Variants in VPS54 observed in about 807,000 individuals in gnomAD.
VPS54 encodes the protein VPS54 subunit of GARP complex, also known as vacuolar protein sorting-associated protein 54.
VPS54 carries 45 observed loss-of-function variants against 121.5 expected under a neutral mutation model. The observed-to-expected ratio is 0.37, with a 90% CI of 0.29 to 0.47. The LOEUF (loss-of-function observed/expected upper bound fraction) is 0.47, where lower values mean the gene tolerates loss of function less well. VPS54 is among the 20% of genes least tolerant of loss of function. The pLI is 0.99. For synonymous variants in VPS54, 371 were observed against 385.8 expected (o/e 0.96, Z 0.45); for missense variants, 1,090 against 1,131.4 (o/e 0.96, Z 0.52).
rs1258503926 is a variant in VPS54 at position 63,893,324 on chromosome 2, T to C, written c.*106A>G. The C allele has an allele frequency of 1.0e-6, 1 of 976,944 alleles. No homozygotes were observed. Among genetic ancestry groups the C allele is most frequent in the African/African-American group, 1.6e-5 (1 of 62,868 alleles). 60.5% of individuals were successfully genotyped at this position (976,944 alleles called of 1,614,324 possible). A position where few individuals can be genotyped will look rare whatever the true frequency, so the allele number is the denominator to read the frequency against. On this transcript the variant is annotated 3_prime_UTR_variant, in exon 23 of 23. Transcript: ENST00000272322. ...TCCTTTTTCCCTTCCCCCACCCCAG[T>C]TCACTTTGGGTTTCAGGTTCAATTC... is the stretch of plus-strand genomic sequence containing the variant.
In VPS54 at chr2:63,904,363, TG is replaced by T. The variant is rs532867057; in HGVS notation, c.2626-4783del. On this transcript the variant is annotated intron_variant, in intron 20 of 22. Transcript: ENST00000272322. Reference sequence around the variant, plus strand: ...CTGAGGCAGGAGAATCACTTGAACCTGGGAGGCATAGGTTGCAGTGAGCCAA... The same window carrying T: ...CTGAGGCAGGAGAATCACTTGAACCTGGAGGCATAGGTTGCAGTGAGCCAA... Among the ~76,000 whole-genome samples the T allele has an allele frequency of 2.3e-3, 301 of 128,776 alleles. 1 individual carries two copies. The highest frequency in any genetic ancestry group is 0.013 in the South Asian group (51 of 4,016). The allele number at this position is 128,776 out of a possible 152,430, so 84.5% of individuals were successfully genotyped here. A position where few individuals can be genotyped will look rare whatever the true frequency, so the allele number is the denominator to read the frequency against.
chr2:63,895,328 C>T (rs551931236), intron 22 of VPS54, among the ~76,000 whole-genome samples: 6 of 152,268 alleles, frequency 3.9e-5, no homozygotes, highest in African/African-American at 1.4e-4. Flanking sequence ...GTGGCACGTG[C>T]CTGTAATCCC....
intron 1 of VPS54, among the ~76,000 whole-genome samples, chr2:64,005,358 C>T (rs1259164425): frequency 6.6e-6 from 1 of 151,982 alleles, no homozygotes; most frequent in Non-Finnish European, 1.5e-5. Context: ...CCGCCTCGGC[C>T]TCCCAAAGTG....
chr2:63,951,482 T>C (rs1675241548), intron 7 of VPS54, among the ~76,000 whole-genome samples: 1 of 152,108 alleles, frequency 6.6e-6, no homozygotes, highest in South Asian at 2.1e-4. Flanking sequence ...TGCTCAAACA[T>C]AGATGACTAG....
intron 20 of VPS54, among the ~76,000 whole-genome samples, chr2:63,903,128 A>G (rs1050916334): frequency 6.6e-6 from 1 of 152,230 alleles, no homozygotes; most frequent in African/African-American, 2.4e-5. Flanking sequence ...AGAAGTGCAG[A>G]AGAAACTCAA....
At chr2:64,012,661 A>C (rs1427236189) in intron 1 of VPS54, among the ~76,000 whole-genome samples, 3 of 149,868 alleles carry the variant, frequency 2.0e-5, no homozygotes, top group Non-Finnish European at 1.5e-5. Context: ...TTATTCCCCA[A>C]TTCTATCTTT....
At position 63,981,798 on chromosome 2, in the gene VPS54, C is replaced by A; in HGVS notation, c.226G>T (p.Ala76Ser). ...TTTGCTAATCTAGGATCGTTTAATG[C>A]TGCTGGGAGATTTACTTTGGAATGA... ...VYHSKVNLPA[A>S]LNDPRLAKRE... Residue 76 changes from alanine (A) to serine (S), a missense_variant, in exon 3 of 23, where the codon GCA becomes TCA. This residue lies in a region of VPS54 where 801 missense variants were observed against 757.0 expected (regional missense o/e 1.06). Coordinates refer to ENST00000272322, the MANE Select transcript of VPS54 (RefSeq NM_016516.3). The A allele has an allele frequency of 6.2e-7, 1 of 1,613,710 alleles. No homozygotes were observed. Among genetic ancestry groups the A allele is most frequent in the Non-Finnish European group, 8.5e-7 (1 of 1,179,792 alleles).
At chr2:63,990,016 C>T (rs891418546) in intron 1 of VPS54, among the ~76,000 whole-genome samples, 3 of 152,202 alleles carry the variant, frequency 2.0e-5, no homozygotes, top group East Asian at 1.9e-4. Flanking sequence ...GAGCTGTTCC[C>T]GGCAGGGAAA....
At chr2:63,901,039 C>T (rs529866409) in intron 20 of VPS54, among the ~76,000 whole-genome samples, 2 of 152,288 alleles carry the variant, frequency 1.3e-5, no homozygotes, top group Middle Eastern at 3.4e-3. Flanking sequence ...GGATTACAGG[C>T]GTGTGCCACC....
chr2:63,968,656 T>G (rs565205089), intron 5 of VPS54, among the ~76,000 whole-genome samples: 3 of 151,908 alleles, frequency 2.0e-5, no homozygotes, highest in Admixed American at 1.3e-4. Context: ...GAGACGGAGG[T>G]TACAGTGAAC....
At chr2:63,897,385 A>G in intron 22 of VPS54, 111 bp downstream of exon 22, 1 of 696,420 alleles carries the variant, frequency 1.4e-6, no homozygotes, top group Non-Finnish European at 2.3e-6. Flanking sequence ...CTGATTTTAC[A>G]ACGTTGGTCT....
chr2:64,015,358 T>G (rs1302713104), intron 1 of VPS54, among the ~76,000 whole-genome samples: 1 of 152,124 alleles, frequency 6.6e-6, no homozygotes, highest in Non-Finnish European at 1.5e-5. Flanking sequence ...CAATTCCTCC[T>G]CTTGCAAAGA....
chr2:63,983,414 G>A (rs1013206798), intron 2 of VPS54, among the ~76,000 whole-genome samples: 5 of 149,608 alleles, frequency 3.3e-5, no homozygotes, highest in African/African-American at 9.9e-5. Flanking sequence ...TGGGATTACA[G>A]GCGTGAGCCA....
At chr2:63,960,191 G>A (rs1675691420) in intron 7 of VPS54, among the ~76,000 whole-genome samples, 1 of 151,666 alleles carries the variant, frequency 6.6e-6, no homozygotes, top group Non-Finnish European at 1.5e-5. Flanking sequence ...TGAGCTAAGA[G>A]CGCACCACTG....
intron 12 of VPS54, among the ~76,000 whole-genome samples, chr2:63,923,171 C>A (rs1241585291): frequency 6.6e-6 from 1 of 151,932 alleles, no homozygotes; most frequent in Non-Finnish European, 1.5e-5. Context: ...AAAAAATTAG[C>A]CAGGCGTGGT....
intron 7 of VPS54, among the ~76,000 whole-genome samples, chr2:63,950,232 A>G (rs577256389): frequency 3.3e-5 from 5 of 152,310 alleles, no homozygotes; most frequent in Admixed American, 1.3e-4. Flanking sequence ...AACTTTTTCT[A>G]TAACAATGAC....
chr2:63,938,440 G>C (rs1457437329), intron 11 of VPS54, among the ~76,000 whole-genome samples: 4 of 152,032 alleles, frequency 2.6e-5, no homozygotes, highest in African/African-American at 9.7e-5. Flanking sequence ...AGAGGACTGG[G>C]ACTTTCAGCC....
intron 15 of VPS54, among the ~76,000 whole-genome samples, chr2:63,917,739 C>G (rs1163746504): frequency 2.6e-5 from 4 of 151,988 alleles, no homozygotes; most frequent in Non-Finnish European, 5.9e-5. Flanking sequence ...GTCTTCATCA[C>G]TTCTCTATAT....
intron 1 of VPS54, among the ~76,000 whole-genome samples, chr2:64,018,012 C>T (rs1039463912): frequency 6.6e-6 from 1 of 152,060 alleles, no homozygotes; most frequent in African/African-American, 2.4e-5. Flanking sequence ...TTAGAACTCC[C>T]CTTCGGATTT....
Sources: gnomAD v4.1 joint callset for allele counts (sites outside exome capture counted in the v4.1 genomes callset) on GRCh38, gnomAD v4.1.1 for gene constraint, gnomAD v4.1.1 regional missense constraint, MANE v1.5 for transcripts, NCBI Gene and HGNC (gene_info 2026-07-23, HGNC 2026-07-21) for gene names.